Variants in DCUN1D4 observed in about 807,000 individuals in gnomAD.
DCUN1D4 encodes the protein defective in cullin neddylation 1 domain containing 4, also known as DCN1-like protein 4.
In DCUN1D4, 22 loss-of-function variants were observed where a neutral mutation model predicts 47.9. The observed-to-expected ratio is 0.46, with a 90% CI of 0.33 to 0.66. The LOEUF is 0.66. DCUN1D4 is among the 30% of genes least tolerant of loss of function. DCUN1D4 has a pLI of 0.02. For synonymous variants in DCUN1D4, 121 were observed against 112.2 expected, an observed-to-expected ratio of 1.08 and a Z score of -0.50; for missense variants, 301 against 340.8, an observed-to-expected ratio of 0.88 and a Z score of 0.92.
At chr4:51,885,273 C>G (rs1729283480) in intron 5 of DCUN1D4, among the ~76,000 whole-genome samples, 1 of 152,008 alleles carries the variant, frequency 6.6e-6, no homozygotes, top group Non-Finnish European at 1.5e-5. Flanking sequence ...CTGTAGTTGT[C>G]AAGAATAAAG....
intron 3 of DCUN1D4, among the ~76,000 whole-genome samples, chr4:51,872,175 A>G (rs1727000888): frequency 6.6e-6 from 1 of 152,202 alleles, no homozygotes; most frequent in South Asian, 2.1e-4. Context: ...CCAGAGTCCC[A>G]ATTTATAATG....
At chr4:51,909,844 C>T (rs1476576066) in intron 8 of DCUN1D4, among the ~76,000 whole-genome samples, 2 of 152,194 alleles carry the variant, frequency 1.3e-5, no homozygotes, top group Non-Finnish European at 2.9e-5. Flanking sequence ...CTTCCTTAGG[C>T]AACAAGTTTC....
intron 8 of DCUN1D4, among the ~76,000 whole-genome samples, chr4:51,909,130 AT>A (rs1457026061): frequency 1.3e-5 from 2 of 152,128 alleles, no homozygotes; most frequent in African/African-American, 4.8e-5. Context: ...GGTCTTTTGT[AT>A]CTTTTTTTTC....
At chr4:51,864,256 G>C (rs2109908480) in intron 3 of DCUN1D4, among the ~76,000 whole-genome samples, 1 of 152,242 alleles carries the variant, frequency 6.6e-6, no homozygotes, top group South Asian at 2.1e-4. Flanking sequence ...CTGTAGACTT[G>C]GGGTGGGGCC....
chr4:51,911,898 C>G (rs1578066856), intron 9 of DCUN1D4, among the ~76,000 whole-genome samples: 1 of 152,094 alleles, frequency 6.6e-6, no homozygotes, highest in Admixed American at 6.6e-5. Context: ...AAAAAGTGTC[C>G]TTTGCTTGCA....
At chr4:51,860,517 G>T in intron 1 of DCUN1D4, 1 of 450,668 alleles carries the variant, frequency 2.2e-6, no homozygotes, top group Non-Finnish European at 4.4e-6. Context: ...AAAGAAAAGA[G>T]GTTTAATTGA....
chr4:51,905,814 CTGT>C (rs1003351225), intron 8 of DCUN1D4, among the ~76,000 whole-genome samples: 2 of 152,200 alleles, frequency 1.3e-5, no homozygotes, highest in Admixed American at 1.3e-4. Context: ...ATTTGCAGTG[CTGT>C]TGTTCTCCAC....
At chr4:51,838,748 A>G (rs1253118373), upstream of DCUN1D4, among the ~76,000 whole-genome samples, 1 of 152,162 alleles carries the variant, frequency 6.6e-6, no homozygotes, top group Admixed American at 6.5e-5. Flanking sequence ...ATAATCTCTG[A>G]GGTATATAGG....
intron 1 of DCUN1D4, chr4:51,848,201 GCAGATAT>G: frequency 7.8e-7 from 1 of 1,288,192 alleles, no homozygotes; most frequent in Non-Finnish European, 1.0e-6. Context: ...TTTCAAACAT[GCAGATAT>G]CAGTTTTAGA....
the DCUN1D4 span, among the ~76,000 whole-genome samples, chr4:51,837,533 T>C: frequency 1.3e-5 from 2 of 151,736 alleles, no homozygotes; most frequent in African/African-American, 4.8e-5. Flanking sequence ...CGGGCGCCTG[T>C]AGTCCCAACT....
chr4:51,882,340 C>A (rs1391194631), intron 5 of DCUN1D4, among the ~76,000 whole-genome samples: 1 of 152,132 alleles, frequency 6.6e-6, no homozygotes, highest in African/African-American at 2.4e-5. Flanking sequence ...AGAAACATTA[C>A]CTTTATGGTG....
At chr4:51,882,153 G>GT (rs1219789406) in intron 5 of DCUN1D4, among the ~76,000 whole-genome samples, 3 of 152,122 alleles carry the variant, frequency 2.0e-5, no homozygotes, top group Admixed American at 2.0e-4. Flanking sequence ...ACAGACACAT[G>GT]TATTTATAAG....
the DCUN1D4 span, among the ~76,000 whole-genome samples, chr4:51,837,628 C>T: frequency 7.4e-6 from 1 of 134,820 alleles, no homozygotes; most frequent in South Asian, 2.3e-4. Flanking sequence ...GCACTCCCGC[C>T]TGGGCGACAG....
intron 1 of DCUN1D4, among the ~76,000 whole-genome samples, chr4:51,860,184 G>A (rs1185175973): frequency 6.6e-6 from 1 of 151,950 alleles, no homozygotes; most frequent in Non-Finnish European, 1.5e-5. Context: ...AATTATCCAT[G>A]TTACTGGTTT....
At chr4:51,895,956 A>G (rs535153969) in intron 7 of DCUN1D4, among the ~76,000 whole-genome samples, 41 of 152,256 alleles carry the variant, frequency 2.7e-4, no homozygotes, top group African/African-American at 9.9e-4. Flanking sequence ...GCCAGGCTCT[A>G]GAGTCCTCTG....
upstream of DCUN1D4, among the ~76,000 whole-genome samples, chr4:51,840,671 A>G (rs1721605884): frequency 6.6e-6 from 1 of 152,212 alleles, no homozygotes; most frequent in Non-Finnish European, 1.5e-5. Context: ...ACAATATTTG[A>G]AAGCATTGTA....
At chr4:51,858,288 T>C (rs1724462608) in intron 1 of DCUN1D4, among the ~76,000 whole-genome samples, 2 of 152,088 alleles carry the variant, frequency 1.3e-5, no homozygotes, top group Admixed American at 1.3e-4. Flanking sequence ...AACCATGTTA[T>C]TATTAGGGGG....
At chr4:51,893,737 A>G (rs953512584) in intron 7 of DCUN1D4, among the ~76,000 whole-genome samples, 1 of 152,210 alleles carries the variant, frequency 6.6e-6, no homozygotes, top group Non-Finnish European at 1.5e-5. Context: ...TGCTGAGTAG[A>G]GCAGCCGATG....
At chr4:51,875,236 A>T (rs1050094081) in intron 4 of DCUN1D4, 1 of 152,260 alleles carries the variant, frequency 6.6e-6, no homozygotes, top group African/African-American at 2.4e-5. Context: ...CTGAAAGAAG[A>T]TAGTAGTGAT....
Sources: allele counts gnomAD v4.1 joint callset (sites outside exome capture counted in the v4.1 genomes callset), GRCh38; gene constraint gnomAD v4.1.1; transcripts MANE v1.5; gene names NCBI Gene and HGNC (gene_info 2026-07-23, HGNC 2026-07-21).